Variants in CCDC171 observed in about 807,000 individuals in gnomAD.
CCDC171 encodes coiled-coil domain-containing protein 171.
Under a neutral mutation model 168.2 loss-of-function variants are expected in CCDC171, and 177 were observed. The observed-to-expected ratio is 1.05, with a 90% CI of 0.93 to 1.19. CCDC171 has a LOEUF of 1.19. Among genes scored for constraint, CCDC171 ranks in the 50% most tolerant of loss-of-function variants. The probability of loss-of-function intolerance (pLI) is 0.00; values close to 1 mark genes in which losing one functional copy is unlikely to be tolerated. For missense variants in CCDC171, 1,991 were observed against 1,539.0 expected (o/e 1.29, Z -4.91); for synonymous variants, 687 against 540.8 (o/e 1.27, Z -3.75).
At chr9:15,644,181 C>G (rs2046856329) in intron 7 of CCDC171, among the ~76,000 whole-genome samples, 1 of 152,184 alleles carries the variant, frequency 6.6e-6, no homozygotes, top group Non-Finnish European at 1.5e-5. Context: ...ATTTTACATT[C>G]CTATCAGTAA....
At chr9:16,088,900 C>A in the CCDC171 span, among the ~76,000 whole-genome samples, 1 of 152,060 alleles carries the variant, frequency 6.6e-6, no homozygotes, top group South Asian at 2.1e-4. Context: ...CCCGTATAGC[C>A]AAGACAATCC....
intron 9 of CCDC171, among the ~76,000 whole-genome samples, chr9:15,676,593 C>T (rs2049585247): frequency 6.6e-6 from 1 of 152,104 alleles, no homozygotes; most frequent in South Asian, 2.1e-4. Context: ...TTCCCTTTAA[C>T]ATCATCCTTG....
chr9:16,017,597 A>T (rs1411374524), intron 3 of CCDC171, among the ~76,000 whole-genome samples: 1 of 152,188 alleles, frequency 6.6e-6, no homozygotes, highest in African/African-American at 2.4e-5. Flanking sequence ...CAAAAAGCTT[A>T]TACTTAATTT....
At chr9:15,757,392 C>T (rs1046608435) in intron 18 of CCDC171, among the ~76,000 whole-genome samples, 1 of 152,094 alleles carries the variant, frequency 6.6e-6, no homozygotes, top group African/African-American at 2.4e-5. Context: ...ATTTGTGGAA[C>T]TTTGAACTTG....
chr9:16,028,982 G>T (rs1403651367), intron 6 of CCDC171, among the ~76,000 whole-genome samples: 3 of 152,054 alleles, frequency 2.0e-5, no homozygotes, highest in African/African-American at 7.2e-5. Context: ...TTCTCTAGGG[G>T]CTTGCCCTGG....
chr9:15,623,634 C>T (rs574738211), intron 7 of CCDC171, among the ~76,000 whole-genome samples: 67 of 152,050 alleles, frequency 4.4e-4, no homozygotes, highest in African/African-American at 1.6e-3. Context: ...TGAGTATTTT[C>T]TGTTTTGCCC....
At chr9:16,086,067 G>A in the CCDC171 span, among the ~76,000 whole-genome samples, 1 of 152,116 alleles carries the variant, frequency 6.6e-6, no homozygotes, top group Non-Finnish European at 1.5e-5. Context: ...CACCGGCTGT[G>A]AGTCCGTCTG....
intron 7 of CCDC171, among the ~76,000 whole-genome samples, chr9:15,633,168 A>C (rs572714780): frequency 2.6e-5 from 4 of 152,330 alleles, no homozygotes; most frequent in African/African-American, 9.6e-5. Context: ...CAAAATTGAC[A>C]AATGGGATCT....
At chr9:15,998,187 T>G (rs1832431136) in intron 3 of CCDC171, among the ~76,000 whole-genome samples, 1 of 152,174 alleles carries the variant, frequency 6.6e-6, no homozygotes, top group South Asian at 2.1e-4. Flanking sequence ...CCCAGACCCA[T>G]GTGTTCTCTG....
intron 25 of CCDC171, among the ~76,000 whole-genome samples, chr9:15,946,303 A>T (rs1176657741): frequency 2.0e-5 from 3 of 151,986 alleles, no homozygotes; most frequent in African/African-American, 7.2e-5. Context: ...CCTTAAGCTG[A>T]TAAGCAACTT....
chr9:15,872,307 A>G (rs2062073810), intron 23 of CCDC171, among the ~76,000 whole-genome samples: 1 of 152,032 alleles, frequency 6.6e-6, no homozygotes, highest in South Asian at 2.1e-4. Flanking sequence ...ATGACAATAA[A>G]TCAGTTTCAA....
rs2059699756 is a variant in CCDC171, at chr9:15,819,897, GCACCA to G, written c.3268-26795_3268-26791del. On this transcript the variant is annotated intron_variant, in intron 21 of 25. Transcript: ENST00000380701. The stretch of plus-strand genomic sequence containing the variant: ...ATCAATAGAATACACATTCTTTTCA[GCACCA>G]CACCACACCTATTCCAAAATTGACC... Among the ~76,000 whole-genome samples the G allele has an allele frequency of 1.7e-5, 2 of 117,592 alleles. 1 individual carries two copies. The highest frequency in any genetic ancestry group is 3.8e-5 in the Non-Finnish European group (2 of 52,330). The allele number at this position is 117,592 out of a possible 152,430, so 77.1% of individuals were successfully genotyped here.
chr9:15,790,606 TC>T (rs2058206723), intron 21 of CCDC171, among the ~76,000 whole-genome samples: 1 of 152,224 alleles, frequency 6.6e-6, no homozygotes, highest in Admixed American at 6.5e-5. Context: ...TTTAATTAGA[TC>T]CCATTTGTCA....
At position 15,882,077 on chromosome 9, in the gene CCDC171, C is replaced by G. The variant is rs116419085; in HGVS notation, c.3600+7414C>G. ...CTCCCTAATAGTGTGCGAGGATTCT[C>G]CTTTCTCCATATTTTTACTGGCATC... On this transcript the variant is annotated intron_variant, in intron 24 of 25. Coordinates refer to ENST00000380701, the MANE Select transcript of CCDC171 (RefSeq NM_173550.4). Among the ~76,000 whole-genome samples, 1,069 of 152,232 alleles carry G rather than the reference C, an allele frequency of 7.0e-3. 9 individuals are homozygous for G. Among genetic ancestry groups the G allele is most frequent in the African/African-American group, 0.024 (1,016 of 41,530 alleles).
chr9:15,710,570 G>T (rs113863370), intron 11 of CCDC171, among the ~76,000 whole-genome samples: 1 of 151,152 alleles, frequency 6.6e-6, no homozygotes, highest in East Asian at 1.9e-4. Flanking sequence ...CAAAGTGCTG[G>T]GATTACAGGT....
intron 3 of CCDC171, among the ~76,000 whole-genome samples, chr9:15,992,255 G>A (rs1217769048): frequency 6.6e-6 from 1 of 152,168 alleles, no homozygotes; most frequent in Non-Finnish European, 1.5e-5. Flanking sequence ...CTTCATCCCT[G>A]GGATGCAAGG....
intron 10 of CCDC171, among the ~76,000 whole-genome samples, chr9:15,685,981 A>G (rs2050367748): frequency 6.6e-6 from 1 of 152,148 alleles, no homozygotes; most frequent in South Asian, 2.1e-4. Flanking sequence ...GCTCTTTGAA[A>G]AATTTTACAC....
At chr9:15,553,677 A>G (rs1240565378) in intron 1 of CCDC171, 5 of 152,108 alleles carry the variant, frequency 3.3e-5, no homozygotes, top group Non-Finnish European at 7.3e-5. Flanking sequence ...GCCACACACT[A>G]GACACTCTAC....
At chr9:15,898,523 G>C (rs975168083) in intron 24 of CCDC171, among the ~76,000 whole-genome samples, 3 of 152,134 alleles carry the variant, frequency 2.0e-5, no homozygotes, top group Non-Finnish European at 1.5e-5. Context: ...GTTATGTGCA[G>C]AAGACTGGTT....
Sources: gnomAD v4.1 joint callset for allele counts (sites outside exome capture counted in the v4.1 genomes callset) on GRCh38, gnomAD v4.1.1 for gene constraint, MANE v1.5 for transcripts, NCBI Gene and HGNC (gene_info 2026-07-23, HGNC 2026-07-21) for gene names.